Variants in FSHR observed in about 807,000 individuals in gnomAD.
The protein encoded by FSHR is follicle-stimulating hormone receptor.
In FSHR, 46 loss-of-function variants were observed where a neutral mutation model predicts 52.1. That is an observed-to-expected ratio of 0.88 (90% CI 0.70 to 1.13). The LOEUF is 1.13. Among genes scored for constraint, FSHR ranks in the 50% most tolerant of loss-of-function variants. FSHR has a pLI of 0.00. For missense variants in FSHR, 964 were observed against 834.6 expected (o/e 1.16, Z -1.91); for synonymous variants, 399 against 309.6 (o/e 1.29, Z -3.03).
chr2:49,041,763 C>A (rs1448707448), intron 2 of FSHR, among the ~76,000 whole-genome samples: 1 of 151,592 alleles, frequency 6.6e-6, no homozygotes, highest in African/African-American at 2.4e-5. Context: ...CCTTAGGGAA[C>A]TTCCTTCCTT....
At chr2:49,052,608 G>A (rs192821612) in intron 2 of FSHR, among the ~76,000 whole-genome samples, 7 of 152,250 alleles carry the variant, frequency 4.6e-5, no homozygotes, top group Admixed American at 2.0e-4. Flanking sequence ...ACCACTCAAC[G>A]TCATTTCCTT....
chr2:49,029,092 A>G (rs185830218), intron 2 of FSHR, among the ~76,000 whole-genome samples: 1 of 152,216 alleles, frequency 6.6e-6, no homozygotes, highest in Non-Finnish European at 1.5e-5. Flanking sequence ...TTATTGATGG[A>G]TTAATTAGTA....
intron 4 of FSHR, chr2:48,997,243 G>A: frequency 1.0e-6 from 1 of 985,048 alleles, no homozygotes; most frequent in Non-Finnish European, 1.2e-6. Context: ...GAGACAGTAG[G>A]AAAGCCTGGT....
intron 2 of FSHR, among the ~76,000 whole-genome samples, chr2:49,029,101 T>G (rs1668011384): frequency 6.6e-6 from 1 of 152,182 alleles, no homozygotes; most frequent in African/African-American, 2.4e-5. Flanking sequence ...GATTAATTAG[T>G]ATTGCTTGGC....
intron 2 of FSHR, among the ~76,000 whole-genome samples, chr2:49,035,142 T>C (rs116896546): frequency 6.6e-6 from 1 of 152,316 alleles, no homozygotes; most frequent in East Asian, 1.9e-4. Flanking sequence ...ATTGCTCTTT[T>C]AGAACTTGGG....
rs1273265515 is a variant in FSHR, at chr2:49,021,886, T to TATATATATATATATAGAG, written c.225-1727_225-1726insCTCTATATATATATATAT. Among the ~76,000 whole-genome samples the TATATATATATATATAGAG allele has an allele frequency of 5.2e-4, 13 of 25,120 alleles. 1 individual carries two copies. The highest frequency in any genetic ancestry group is 9.5e-4 in the Non-Finnish European group (13 of 13,664). The allele number at this position is 25,120 out of a possible 152,430, so 16.5% of individuals were successfully genotyped here. ...CTCTATATATATATATATATATATATAGAGAGAGAGAGAGAGAGAGAGAGA... is the reference window on the plus strand; with the variant it reads ...CTCTATATATATATATATATATATATATATATATATATATAGAGAGAGAGAGAGAGAGAGAGAGAGAGA... On this transcript the variant is annotated intron_variant, in intron 2 of 9. Coordinates refer to ENST00000406846, the MANE Select transcript of FSHR (RefSeq NM_000145.4).
At chr2:49,007,112 C>T (rs1238596014) in intron 4 of FSHR, among the ~76,000 whole-genome samples, 3 of 152,092 alleles carry the variant, frequency 2.0e-5, no homozygotes, top group Non-Finnish European at 2.9e-5. Context: ...AATGGGGAGC[C>T]ACCAGGCCTT....
intron 3 of FSHR, 124 bp from the exon 4 acceptor site, chr2:49,017,687 C>G: frequency 1.4e-6 from 1 of 717,362 alleles, no homozygotes; most frequent in Admixed American, 2.0e-5. Context: ...TCTATTCATC[C>G]ATCCATCCAT....
At chr2:49,107,699 C>A (rs1260038840) in intron 1 of FSHR, among the ~76,000 whole-genome samples, 1 of 152,044 alleles carries the variant, frequency 6.6e-6, no homozygotes, top group Admixed American at 6.6e-5. Context: ...TGTTGTAGTC[C>A]TTTTGATAAC....
At chr2:48,970,967 A>G (rs1026978611) in intron 8 of FSHR, among the ~76,000 whole-genome samples, 1 of 152,088 alleles carries the variant, frequency 6.6e-6, no homozygotes, top group Non-Finnish European at 1.5e-5. Context: ...AGTCACCACA[A>G]TCTCTGCCTA....
At chr2:49,057,700 C>G (rs573076791) in intron 2 of FSHR, among the ~76,000 whole-genome samples, 1 of 152,146 alleles carries the variant, frequency 6.6e-6, no homozygotes, top group African/African-American at 2.4e-5. Context: ...TGCTCAGATA[C>G]CAGACAAGGA....
intron 2 of FSHR, among the ~76,000 whole-genome samples, chr2:49,028,138 A>G (rs2104246574): frequency 6.6e-6 from 1 of 152,328 alleles, no homozygotes; most frequent in African/African-American, 2.4e-5. Context: ...AGCCTTTGAC[A>G]TACAAGGGAC....
intron 4 of FSHR, among the ~76,000 whole-genome samples, chr2:48,999,342 C>T (rs968102635): frequency 1.3e-5 from 2 of 152,018 alleles, no homozygotes; most frequent in Non-Finnish European, 2.9e-5. Flanking sequence ...TGAGAGAAGT[C>T]CAGTAGCTTT....
intron 3 of FSHR, among the ~76,000 whole-genome samples, chr2:49,018,833 G>GCA (rs70946842): frequency 3.1e-4 from 47 of 151,444 alleles, no homozygotes; most frequent in Admixed American, 1.4e-3. Flanking sequence ...ACACGCGCAT[G>GCA]CACACACACA....
intron 5 of FSHR, 115 bp from the exon 6 acceptor site, chr2:48,989,169 A>C: frequency 1.4e-6 from 1 of 740,250 alleles, no homozygotes. Flanking sequence ...TATTAATATA[A>C]CTAGTTGTTG....
At chr2:49,056,211 A>T (rs1669056792) in intron 2 of FSHR, among the ~76,000 whole-genome samples, 1 of 151,922 alleles carries the variant, frequency 6.6e-6, no homozygotes, top group African/African-American at 2.4e-5. Context: ...AGATTTTTTT[A>T]AAAGACCCAA....
intron 1 of FSHR, among the ~76,000 whole-genome samples, chr2:49,110,786 G>A (rs112032466): frequency 0.014 from 2,094 of 152,248 alleles, 26 homozygotes; most frequent in South Asian, 0.02. Flanking sequence ...AACATTTCCA[G>A]CCCCCTTGTT....
chr2:49,013,956 G>A (rs1015811560), intron 4 of FSHR, among the ~76,000 whole-genome samples: 37 of 152,000 alleles, frequency 2.4e-4, no homozygotes, highest in African/African-American at 8.5e-4. Flanking sequence ...CTGTGTATAT[G>A]CACCAAGGTA....
chr2:49,038,744 G>C (rs1384927534), intron 2 of FSHR, among the ~76,000 whole-genome samples: 2 of 151,040 alleles, frequency 1.3e-5, no homozygotes, highest in African/African-American at 2.4e-5. Context: ...AATTGCGAGA[G>C]GAAGAGTAGA....
Sources: allele counts gnomAD v4.1 joint callset (sites outside exome capture counted in the v4.1 genomes callset), GRCh38; gene constraint gnomAD v4.1.1; transcripts MANE v1.5; gene names NCBI Gene and HGNC (gene_info 2026-07-23, HGNC 2026-07-21).